The following INPP5A variants were observed in gnomAD, a reference collection of about 807,000 sequenced individuals.
INPP5A encodes 43 kDa inositol polyphosphate 5-phophatase.
INPP5A carries 14 observed loss-of-function variants against 65.2 expected under a neutral mutation model. The ratio of observed to expected loss-of-function variants is 0.21; its 90% CI spans 0.14 to 0.34. The LOEUF (loss-of-function observed/expected upper bound fraction) is 0.34. Ranked by LOEUF, INPP5A falls within the 10% of genes least tolerant of loss-of-function variation. INPP5A has a pLI of 1.00. For missense variants in INPP5A, 431 were observed against 545.6 expected, an observed-to-expected ratio of 0.79 and a Z score of 2.09; for synonymous variants, 207 against 208.3, an observed-to-expected ratio of 0.99 and a Z score of 0.05.
At chr10:132,563,351 C>T (rs1308264483) in intron 1 of INPP5A, among the ~76,000 whole-genome samples, 4 of 152,118 alleles carry the variant, frequency 2.6e-5, no homozygotes, top group Non-Finnish European at 5.9e-5. Context: ...GATAGCACAG[C>T]GTCTGCCGGG....
At chr10:132,682,776 G>T (rs557801063) in intron 4 of INPP5A, among the ~76,000 whole-genome samples, 1 of 152,130 alleles carries the variant, frequency 6.6e-6, no homozygotes, top group Admixed American at 6.5e-5. Flanking sequence ...ATATACATAT[G>T]CACTCATGTT....
chr10:132,770,186 G>A (rs556601872), intron 12 of INPP5A, among the ~76,000 whole-genome samples: 2 of 152,216 alleles, frequency 1.3e-5, no homozygotes, highest in East Asian at 3.9e-4. Flanking sequence ...GGATGCTATC[G>A]TCTCCTCTGG....
Position 132,678,082 on chromosome 10 carries a change from G to A in INPP5A, c.307-12310G>A, listed in dbSNP as rs1028115743. Among the ~76,000 whole-genome samples, 3 of 152,188 alleles carry A rather than the reference G, an allele frequency of 2.0e-5. No homozygotes were observed. The highest frequency in any genetic ancestry group is 4.4e-5 in the Non-Finnish European group (3 of 68,036). On this transcript the variant is annotated intron_variant, in intron 4 of 15. Coordinates refer to ENST00000368594, the MANE Select transcript of INPP5A (RefSeq NM_005539.5). This position sits in a 1 kb window ranked among gnomAD's most constrained non-coding sequence, Gnocchi z 4.1. ...CCAGACAGGGGGACACCTTGGTGCC[G>A]TCATCCCGTTTGGCCCCAGGAGCTG...
chr10:132,546,609 G>A lies in INPP5A; in HGVS notation c.75+8438G>A, dbSNP rs917230899. On this transcript the variant is annotated intron_variant, in intron 1 of 15. Transcript: ENST00000368594. The surrounding 1 kb of genome is among the most constrained non-coding windows in gnomAD (Gnocchi z 5.7). ...CTCGGCTGCTGGGGCAGCTTTCCCC[G>A]GCCCCTTCCCCGCCTCCTTCCCACT... 1.3e-5 allele frequency among the ~76,000 whole-genome samples: 2 copies of A among 152,112 alleles called. No homozygotes were observed. The highest frequency in any genetic ancestry group is 2.9e-5 in the Non-Finnish European group (2 of 68,000).
chr10:132,719,746 G>A (rs1845827010), intron 8 of INPP5A, among the ~76,000 whole-genome samples: 1 of 151,396 alleles, frequency 6.6e-6, no homozygotes, highest in African/African-American at 2.4e-5. Flanking sequence ...TCAGGGTTCT[G>A]TGGTACCTGG....
rs745383786 is a variant in INPP5A at position 132,546,108 on chromosome 10, G to A, written c.75+7937G>A. ...GTCCTGGAGCCTGCAGCCCTTGGCC[G>A]TGTCACGCCATGTGCTCATGTGACC... is the stretch of plus-strand genomic sequence containing the variant. On this transcript the variant is annotated intron_variant, in intron 1 of 15. Coordinates refer to ENST00000368594, the MANE Select transcript of INPP5A (RefSeq NM_005539.5). This position sits in a 1 kb window ranked among gnomAD's most constrained non-coding sequence, Gnocchi z 5.7. Among the ~76,000 whole-genome samples the A allele has an allele frequency of 3.9e-5, 6 of 152,192 alleles. No individual in the cohort carries two copies. The highest frequency in any genetic ancestry group is 7.2e-5 in the African/African-American group (3 of 41,452).
At position 132,575,060 on chromosome 10, in the gene INPP5A, G is replaced by C. The variant is rs1343529157; in HGVS notation, c.76-32855G>C. On this transcript the variant is annotated intron_variant, in intron 1 of 15. Coordinates refer to ENST00000368594, the MANE Select transcript of INPP5A (RefSeq NM_005539.5). This position sits in a 1 kb window ranked among gnomAD's most constrained non-coding sequence, Gnocchi z 5.4. Reference sequence around the variant, plus strand: ...GAGTCCTCCCGGGGGCTCCGGATTCGGGGTGTCCGTGGAAAACACATGATG... The same window carrying C: ...GAGTCCTCCCGGGGGCTCCGGATTCCGGGTGTCCGTGGAAAACACATGATG... 6.6e-6 allele frequency among the ~76,000 whole-genome samples: 1 copy of C among 152,144 alleles called. No individual in the cohort carries two copies. Among genetic ancestry groups the C allele is most frequent in the African/African-American group, 2.4e-5 (1 of 41,422 alleles).
At chr10:132,634,187 G>A (rs751703769) in intron 2 of INPP5A, among the ~76,000 whole-genome samples, 1 of 152,250 alleles carries the variant, frequency 6.6e-6, no homozygotes, top group Non-Finnish European at 1.5e-5. Flanking sequence ...GATGGAAATT[G>A]TTTTGTAGCT....
chr10:132,587,307 CT>C lies in INPP5A; in HGVS notation c.76-20607del, dbSNP rs1022856891. On this transcript the variant is annotated intron_variant, in intron 1 of 15. Coordinates refer to ENST00000368594, the MANE Select transcript of INPP5A (RefSeq NM_005539.5). This position sits in a 1 kb window ranked among gnomAD's most constrained non-coding sequence, Gnocchi z 4.3. ...GAGGGCCGTGTCTGGGCAGGAGGGG[CT>C]GGTACATCCTCACAGGGGTGGCAGG... Among the ~76,000 whole-genome samples, 4 of 152,240 alleles carry C rather than the reference CT, an allele frequency of 2.6e-5. No individual in the cohort carries two copies. Among genetic ancestry groups the C allele is most frequent in the Non-Finnish European group, 4.4e-5 (3 of 68,026 alleles).
intron 1 of INPP5A, among the ~76,000 whole-genome samples, chr10:132,554,938 TG>T (rs1438209890): frequency 6.9e-6 from 1 of 145,224 alleles, no homozygotes; most frequent in Non-Finnish European, 1.5e-5. Context: ...TTGGTGTGGG[TG>T]GCATGGGTAG....
At chr10:132,559,884 G>A (rs560617291) in intron 1 of INPP5A, among the ~76,000 whole-genome samples, 49 of 152,356 alleles carry the variant, frequency 3.2e-4, no homozygotes, top group South Asian at 1.9e-3. Context: ...TCATGTATCT[G>A]TTCATCAGTG....
intron 1 of INPP5A, among the ~76,000 whole-genome samples, chr10:132,590,845 T>C (rs990604755): frequency 6.6e-6 from 1 of 152,106 alleles, no homozygotes; most frequent in Admixed American, 6.5e-5. Flanking sequence ...ACTGTGGTCA[T>C]TGCTCGCTCC....
At chr10:132,713,531 C>G (rs12413546) in intron 8 of INPP5A, among the ~76,000 whole-genome samples, 1,789 of 152,274 alleles carry the variant, frequency 0.012, 116 homozygotes, top group Admixed American at 0.1. Flanking sequence ...GGCCTTGGCT[C>G]TCCTCTGCAT....
At chr10:132,561,273 T>C (rs1037902661) in intron 1 of INPP5A, among the ~76,000 whole-genome samples, 2 of 152,096 alleles carry the variant, frequency 1.3e-5, no homozygotes, top group African/African-American at 4.8e-5. Flanking sequence ...CCAGAAGCCA[T>C]TTCCTAATCA....
At chr10:132,764,272 C>T (rs1846789729) in intron 11 of INPP5A, among the ~76,000 whole-genome samples, 1 of 152,246 alleles carries the variant, frequency 6.6e-6, no homozygotes, top group Non-Finnish European at 1.5e-5. Flanking sequence ...TGAGGGAGCT[C>T]TAGCTCAATG....
intron 1 of INPP5A, among the ~76,000 whole-genome samples, chr10:132,599,398 AC>A (rs2071748559): frequency 6.6e-6 from 1 of 152,086 alleles, no homozygotes; most frequent in South Asian, 2.1e-4. Flanking sequence ...ATCTCCTTTG[AC>A]TCCTGGTCTC....
chr10:132,705,572 T>G lies in INPP5A; in HGVS notation c.475-2741T>G, dbSNP rs1180971354. Among the ~76,000 whole-genome samples the G allele has an allele frequency of 6.6e-6, 1 of 151,902 alleles. No homozygotes were observed. The highest frequency in any genetic ancestry group is 1.5e-5 in the Non-Finnish European group (1 of 67,980). On this transcript the variant is annotated intron_variant, in intron 6 of 15. Transcript: ENST00000368594. The surrounding 1 kb of genome is among the most constrained non-coding windows in gnomAD (Gnocchi z 4.9). ...AAGTGCGTGGCCAGGCCGGGAGGAG[T>G]GTACAGGAAGTCTCTGTACCTTATG...
intron 4 of INPP5A, among the ~76,000 whole-genome samples, chr10:132,680,046 T>C (rs1202257217): frequency 1.3e-5 from 2 of 152,256 alleles, no homozygotes; most frequent in Non-Finnish European, 2.9e-5. Flanking sequence ...GATTTGGCGA[T>C]GATTTCTCAG....
rs140055815 is a variant in INPP5A, at chr10:132,775,987, G to A, written c.978-1684G>A. Among the ~76,000 whole-genome samples, 888 of 152,240 alleles carry A rather than the reference G, an allele frequency of 5.8e-3. 8 individuals are homozygous for A. The highest frequency in any genetic ancestry group is 0.014 in the Middle Eastern group (4 of 294). On this transcript the variant is annotated intron_variant, in intron 12 of 15. Coordinates refer to ENST00000368594, the MANE Select transcript of INPP5A (RefSeq NM_005539.5). ...TCCGGGGGGCAGTGGACGTGTGTGC[G>A]GATGCAATGGACATGTGTCCAGGGG...
Sources: allele counts gnomAD v4.1 joint callset (sites outside exome capture counted in the v4.1 genomes callset), GRCh38; gene constraint gnomAD v4.1.1; non-coding constraint Gnocchi (gnomAD v3.1); transcripts MANE v1.5; gene names NCBI Gene and HGNC (gene_info 2026-07-23, HGNC 2026-07-21).